The following NKAP variants were observed in gnomAD, a reference collection of about 807,000 sequenced individuals.
NKAP encodes the protein NF-kappa-B-activating protein.
A neutral mutation model predicts 35.6 loss-of-function variants in NKAP; 4 were observed. The observed-to-expected ratio is 0.11, with a 90% confidence interval of 0.06 to 0.26. The LOEUF (loss-of-function observed/expected upper bound fraction) is 0.26, where lower values mean the gene tolerates loss of function less well. Among genes scored for constraint, NKAP ranks in the 10% least tolerant of loss-of-function variants. The pLI is 1.00. For synonymous variants in NKAP, 106 were observed against 119.2 expected, an observed-to-expected ratio of 0.89 and a Z score of 0.72; for missense variants, 238 against 321.9, an observed-to-expected ratio of 0.74 and a Z score of 1.99.
chrX:119,933,020 C>T (rs985204394), intron 5 of NKAP, among the ~76,000 whole-genome samples: 5 of 110,284 alleles, frequency 4.5e-5, no homozygotes, highest in Non-Finnish European at 3.8e-5. Context: ...CAATGAAATA[C>T]AGTTCTGATG....
At chrX:119,939,718 G>A (rs987485602) in intron 1 of NKAP, among the ~76,000 whole-genome samples, 5 of 108,137 alleles carry the variant, frequency 4.6e-5, no homozygotes, top group African/African-American at 1.7e-4. Context: ...GGCCAACATG[G>A]TGAAACCCCG....
At chrX:119,938,833 T>C (rs921964198) in intron 1 of NKAP, 23 bp from the exon 2 acceptor site, 7 of 1,078,972 alleles carry the variant, frequency 6.5e-6, no homozygotes, top group Non-Finnish European at 8.9e-6. Context: ...GACATGTAAA[T>C]TATAACTCAA....
chrX:119,942,592 C>T (rs1167353488), intron 1 of NKAP, among the ~76,000 whole-genome samples: 1 of 112,006 alleles, frequency 8.9e-6, no homozygotes, highest in East Asian at 2.8e-4. Context: ...GACCACTTAA[C>T]AAGACCTTCC....
chrX:119,941,679 G>A, intron 1 of NKAP, among the ~76,000 whole-genome samples: 2 of 111,458 alleles, frequency 1.8e-5, no homozygotes, highest in Middle Eastern at 4.6e-3. Flanking sequence ...AAGCTGGAGT[G>A]CAGTGGTGAG....
chrX:119,931,363 G>C (rs1040630913), intron 7 of NKAP, among the ~76,000 whole-genome samples: 1 of 109,409 alleles, frequency 9.1e-6, no homozygotes, highest in Non-Finnish European at 1.9e-5. Flanking sequence ...AAAATTAGCT[G>C]AGTGTGGTGG....
intron 8 of NKAP, among the ~76,000 whole-genome samples, chrX:119,925,998 G>A (rs1160792466): frequency 4.0e-5 from 3 of 74,546 alleles, no homozygotes; most frequent in African/African-American, 1.7e-4. Flanking sequence ...CGCCCAGGCC[G>A]GACTGCGGAC....
chrX:119,941,038 A>G (rs1426584443), intron 1 of NKAP, among the ~76,000 whole-genome samples: 3 of 109,215 alleles, frequency 2.7e-5, no homozygotes, highest in East Asian at 5.7e-4. Context: ...TATTCAGGAG[A>G]TTGAGGCAGA....
Position 119,920,933 on chromosome X carries a change from A to G in NKAP, c.*4287T>C, listed in dbSNP as rs1432718266. 1 of 128,785 alleles carries G rather than the reference A, an allele frequency of 7.8e-6. No individual in the cohort carries two copies. The highest frequency in any genetic ancestry group is 1.6e-5 in the Non-Finnish European group (1 of 63,735). 10.6% of individuals were successfully genotyped at this position (128,785 alleles called of 1,213,427 possible). ...GTTGGTACTTGGCTGTTTGTTCCCC[A>G]TCTGAGCCTAAGTCTCCAGCTCAGA... is the stretch of plus-strand genomic sequence containing the variant. On this transcript the variant is annotated 3_prime_UTR_variant, in exon 9 of 9. Coordinates refer to ENST00000371410, the MANE Select transcript of NKAP (RefSeq NM_024528.4).
intron 1 of NKAP, chrX:119,942,999 G>A (rs1021863782): frequency 5.0e-5 from 20 of 400,936 alleles, no homozygotes; most frequent in South Asian, 1.0e-4. Context: ...GGCGGAAGGG[G>A]GTAGCGGGAG....
chrX:119,927,405 C>T (rs952522815), intron 8 of NKAP, among the ~76,000 whole-genome samples: 1 of 111,192 alleles, frequency 9.0e-6, no homozygotes, highest in Non-Finnish European at 1.9e-5. Context: ...AGTACAATGG[C>T]GAGGTCTCAG....
At chrX:119,930,206 A>G (rs2056733553) in intron 7 of NKAP, 41 bp from the exon 8 acceptor site, 9 of 1,130,826 alleles carry the variant, frequency 8.0e-6, no homozygotes, top group Non-Finnish European at 1.1e-5. Context: ...CCATTAAATC[A>G]TCTTAATATT....
intron 8 of NKAP, among the ~76,000 whole-genome samples, chrX:119,927,061 C>CA (rs757523569): frequency 0.036 from 1,189 of 33,032 alleles, 60 homozygotes; most frequent in African/African-American, 0.082. Context: ...AACTAGGTCT[C>CA]AAAAAAAAAA....
Position 119,923,163 on chromosome X carries a change from AT to A in NKAP, c.*2056del, listed in dbSNP as rs2056695070. 1 of 110,966 alleles carries A rather than the reference AT, an allele frequency of 9.0e-6. No homozygotes were observed. Among genetic ancestry groups the A allele is most frequent in the Non-Finnish European group, 1.9e-5 (1 of 52,905 alleles). 9.1% of individuals were successfully genotyped at this position (110,966 alleles called of 1,213,427 possible). A position where few individuals can be genotyped will look rare whatever the true frequency, so the allele number is the denominator to read the frequency against. The stretch of plus-strand genomic sequence containing the variant: ...GAGGCAGAGGTTACAGTGAGCCGAG[AT>A]CACACCACTGGGCTCCAGCCTGAGT... On this transcript the variant is annotated 3_prime_UTR_variant, in exon 9 of 9. Coordinates refer to ENST00000371410, the MANE Select transcript of NKAP (RefSeq NM_024528.4).
At position 119,943,547 on chromosome X, in the gene NKAP, C is replaced by T; in HGVS notation, c.59G>A (p.Arg20Lys). 1 of 1,206,124 alleles carries T rather than the reference C, an allele frequency of 8.3e-7. No homozygotes were observed. The highest frequency in any genetic ancestry group is 1.8e-5 in the South Asian group (1 of 56,244). ...CGGACTCTTCGACGAACTGCGACGT[C>T]TTCCCCCCGAGCCCGAGGCCTCCCT... ...PDREASGSGG[R>K]RRSSSKSPKP... Residue 20 changes from arginine (R) to lysine (K), a missense_variant, in exon 1 of 9, where the codon AGA becomes AAA. Transcript: ENST00000371410.
intron 5 of NKAP, 151 bp downstream of exon 5, chrX:119,934,343 G>A (rs1289572419): frequency 5.9e-6 from 2 of 337,614 alleles, no homozygotes; most frequent in Non-Finnish European, 9.5e-6. Context: ...TGGGACATGA[G>A]AATCGCTTGA....
At chrX:119,934,332 T>C (rs2147847385) in intron 5 of NKAP, among the ~76,000 whole-genome samples, 162 bp downstream of exon 5, 1 of 96,729 alleles carries the variant, frequency 1.0e-5, no homozygotes, top group South Asian at 5.5e-4. Flanking sequence ...ACTCGGGAGG[T>C]TGGGACATGA....
intron 2 of NKAP, among the ~76,000 whole-genome samples, 159 bp downstream of exon 2, chrX:119,938,571 T>C (rs891185513): frequency 8.9e-6 from 1 of 112,492 alleles, no homozygotes; most frequent in African/African-American, 3.2e-5. Context: ...TCTTTAGATA[T>C]GTTCTATGTT....
rs765882149 is a variant in NKAP, at chrX:119,936,408, G to A, written c.562C>T (p.Arg188Cys). 4.3e-6 allele frequency: 5 copies of A among 1,155,478 alleles called. No individual in the cohort carries two copies. Among genetic ancestry groups the A allele is most frequent in the East Asian group, 3.1e-5 (1 of 32,785 alleles). Residue 188 changes from arginine to cysteine, a missense_variant, in exon 4 of 9, where the codon CGT becomes TGT. This residue lies in a region of NKAP where 89 missense variants were observed against 91.7 expected (regional missense o/e 0.97). Transcript: ENST00000371410. ...CTTTTCTTGGACCTTTCTTTTGAAC[G>A]GCTAGACTTCTTCTTTTTTTCTTCT... is the stretch of plus-strand genomic sequence containing the variant. ...SEEEKKKKSS[R>C]SKERSKKRRK...
At chrX:119,937,607 C>CAAAAAAAAAAAAAA (rs34687968) in intron 2 of NKAP, 1 of 51,305 alleles carries the variant, frequency 1.9e-5, no homozygotes, top group Non-Finnish European at 3.5e-5. Context: ...GACTCTGTCT[C>CAAAAAAAAAAAAAA]AAAAAAAAAA....
Sources: allele counts gnomAD v4.1 joint callset (sites outside exome capture counted in the v4.1 genomes callset), GRCh38; gene constraint gnomAD v4.1.1; regional missense constraint gnomAD v4.1.1; transcripts MANE v1.5; gene names NCBI Gene and HGNC (gene_info 2026-07-23, HGNC 2026-07-21).